Variants in DPYSL2 observed in about 807,000 individuals in gnomAD.
The protein encoded by DPYSL2 is dihydropyrimidinase like 2.
A neutral mutation model predicts 69.9 loss-of-function variants in DPYSL2; 13 were observed. The observed-to-expected ratio is 0.19, with a 90% CI of 0.12 to 0.30. The LOEUF (loss-of-function observed/expected upper bound fraction) is 0.30. Among genes scored for constraint, DPYSL2 ranks in the 10% least tolerant of loss-of-function variants. DPYSL2 has a pLI of 1.00. For synonymous variants in DPYSL2, 326 were observed against 359.1 expected, an observed-to-expected ratio of 0.91 and a Z score of 1.04; for missense variants, 587 against 918.9, an observed-to-expected ratio of 0.64 and a Z score of 4.67.
intron 3 of DPYSL2, among the ~76,000 whole-genome samples, chr8:26,623,193 G>A (rs2096246618): frequency 6.6e-6 from 1 of 152,188 alleles, no homozygotes; most frequent in South Asian, 2.1e-4. Flanking sequence ...CTGAAAAACG[G>A]TCTGTGTAGC....
intron 1 of DPYSL2, among the ~76,000 whole-genome samples, chr8:26,576,785 G>A (rs1208287644): frequency 1.3e-5 from 2 of 152,204 alleles, no homozygotes; most frequent in Non-Finnish European, 2.9e-5. Context: ...CTCCTCCACA[G>A]CTCATCTCCT....
Position 26,588,113 on chromosome 8 carries a change from TCC to T in DPYSL2, c.628+4132_628+4133del, listed in dbSNP as rs1235117918. On this transcript the variant is annotated intron_variant, in intron 3 of 13. Coordinates refer to ENST00000521913, the MANE Select transcript of DPYSL2 (RefSeq NM_001197293.3). This position sits in a 1 kb window ranked among gnomAD's most constrained non-coding sequence, Gnocchi z 5.4. ...ACAGCATCTGCCCAGTAGTGAGCAC[TCC>T]CATGTGGTAGCTATTGTCATTCCAT... 6.6e-6 allele frequency among the ~76,000 whole-genome samples: 1 copy of T among 152,142 alleles called. No homozygotes were observed. The highest frequency in any genetic ancestry group is 2.4e-5 in the African/African-American group (1 of 41,436).
At chr8:26,616,678 A>G (rs1300953995) in intron 3 of DPYSL2, among the ~76,000 whole-genome samples, 1 of 152,190 alleles carries the variant, frequency 6.6e-6, no homozygotes, top group Non-Finnish European at 1.5e-5. Flanking sequence ...TCCTTGCTTC[A>G]AGGGGCTGGC....
Position 26,647,528 on chromosome 8 carries a change from CA to C in DPYSL2, c.1426-101del. Reference sequence around the variant, plus strand: ...CACTTGGCACAACGCTCTTGACATCCATCTAAGCTGTCGTGTGTATCAATAG... The same window carrying C: ...CACTTGGCACAACGCTCTTGACATCCTCTAAGCTGTCGTGTGTATCAATAG... On this transcript the variant is annotated intron_variant, in intron 10 of 13. Coordinates refer to ENST00000521913, the MANE Select transcript of DPYSL2 (RefSeq NM_001197293.3). The surrounding 1 kb of genome is among the most constrained non-coding windows in gnomAD (Gnocchi z 5.1). 1 of 1,260,316 alleles carries C rather than the reference CA, an allele frequency of 7.9e-7. No homozygotes were observed. The highest frequency in any genetic ancestry group is 1.1e-6 in the Non-Finnish European group (1 of 905,906). 78.1% of individuals were successfully genotyped at this position (1,260,316 alleles called of 1,614,324 possible).
chr8:26,631,826 GCCCACAGGCACC>G (rs1802782384), intron 7 of DPYSL2, among the ~76,000 whole-genome samples: 1 of 152,124 alleles, frequency 6.6e-6, no homozygotes, highest in Admixed American at 6.5e-5. Context: ...TAGAACTCAA[GCCCACAGGCACC>G]TGCCGGCTGA....
At chr8:26,534,118 G>A (rs1462814607) in intron 1 of DPYSL2, among the ~76,000 whole-genome samples, 1 of 152,250 alleles carries the variant, frequency 6.6e-6, no homozygotes, top group East Asian at 1.9e-4. Context: ...GTGACAACTA[G>A]TGGGTGAATC....
chr8:26,616,492 GA>G (rs1802350989), intron 3 of DPYSL2, among the ~76,000 whole-genome samples: 1 of 152,170 alleles, frequency 6.6e-6, no homozygotes, highest in African/African-American at 2.4e-5. Flanking sequence ...TCATTTATCT[GA>G]GATGAAAAAG....
rs1442887 is a variant in DPYSL2 at position 26,517,372 on chromosome 8, C to T, written c.354+2693C>T. On this transcript the variant is annotated intron_variant, in intron 1 of 13. Transcript: ENST00000521913. The surrounding 1 kb of genome is among the most constrained non-coding windows in gnomAD (Gnocchi z 4.2). The stretch of plus-strand genomic sequence containing the variant: ...AGAAAGCGATGGGTGTGGCTTGACT[C>T]GGCATGTCAGATTTTGGCGGAGGAA... Among the ~76,000 whole-genome samples the T allele has an allele frequency of 0.71, 107,381 of 152,106 alleles. 39,040 individuals are homozygous for T. Among genetic ancestry groups the T allele is most frequent in the East Asian group, 0.94 (4,869 of 5,176 alleles).
intron 1 of DPYSL2, among the ~76,000 whole-genome samples, chr8:26,569,066 T>C (rs1801195739): frequency 6.6e-6 from 1 of 152,036 alleles, no homozygotes; most frequent in Admixed American, 6.5e-5. Flanking sequence ...TTTAAAAGCC[T>C]GGGGTGAAGT....
chr8:26,519,422 C>T (rs2117597492), intron 1 of DPYSL2, among the ~76,000 whole-genome samples: 1 of 152,224 alleles, frequency 6.6e-6, no homozygotes, highest in Non-Finnish European at 1.5e-5. Context: ...GTTTTCAGTC[C>T]CACTGCAGTC....
intron 1 of DPYSL2, chr8:26,577,926 G>T: frequency 1.7e-6 from 2 of 1,177,350 alleles, no homozygotes; most frequent in Non-Finnish European, 2.1e-6. Flanking sequence ...CACGGTGGCC[G>T]ACTTGAACCG....
chr8:26,556,160 G>GTATATATAGTATA (rs1377125528), intron 1 of DPYSL2, among the ~76,000 whole-genome samples: 9 of 1,718 alleles, frequency 5.2e-3, no homozygotes, highest in African/African-American at 9.0e-3. Context: ...ACTATATATA[G>GTATATATAGTATA]TATATACTAT....
chr8:26,634,428 C>CTTTTTTTTTTTTTTTTT (rs55746168), intron 7 of DPYSL2, among the ~76,000 whole-genome samples: 34 of 91,160 alleles, frequency 3.7e-4, no homozygotes, highest in Non-Finnish European at 5.7e-4. Flanking sequence ...CCATGCCCAG[C>CTTTTTTTTTTTTTTTTT]TTTTTTTTTT....
chr8:26,629,313 C>T (rs1026402440), intron 7 of DPYSL2, among the ~76,000 whole-genome samples: 4 of 151,904 alleles, frequency 2.6e-5, no homozygotes, highest in East Asian at 3.9e-4. Context: ...GACACCTACA[C>T]ACACACACAT....
At chr8:26,632,871 TATG>T (rs1802811545) in intron 7 of DPYSL2, among the ~76,000 whole-genome samples, 1 of 152,232 alleles carries the variant, frequency 6.6e-6, no homozygotes, top group African/African-American at 2.4e-5. Flanking sequence ...GGGTGTTTAA[TATG>T]CTTTTTCAAG....
At chr8:26,570,119 C>G (rs977870932) in intron 1 of DPYSL2, among the ~76,000 whole-genome samples, 1 of 152,166 alleles carries the variant, frequency 6.6e-6, no homozygotes, top group Admixed American at 6.5e-5. Context: ...ATGCAAGCAG[C>G]CTGGCTTGGT....
At chr8:26,527,710 T>C (rs946249273) in intron 1 of DPYSL2, among the ~76,000 whole-genome samples, 1 of 151,770 alleles carries the variant, frequency 6.6e-6, no homozygotes, top group Non-Finnish European at 1.5e-5. Flanking sequence ...ATCTTAGCAC[T>C]GAAATCATAA....
chr8:26,643,536 C>T lies in DPYSL2; in HGVS notation c.1224C>T (p.Thr408=). ...KNWAKAAAFV[T]SPPLSPDPTT... is the part of the protein sequence containing the mutation. The stretch of plus-strand genomic sequence containing the variant: ...GGGCCAAGGCTGCTGCCTTTGTCAC[C>T]TCCCCACCCTTGAGCCCTGATCCAA... The change falls in exon 9 of 14, where the codon ACC becomes ACT. Residue 408 remains threonine, a synonymous_variant. Coordinates refer to ENST00000521913, the MANE Select transcript of DPYSL2 (RefSeq NM_001197293.3). This position sits in a 1 kb window ranked among gnomAD's most constrained non-coding sequence, Gnocchi z 6.5. 1 of 1,614,086 alleles carries T rather than the reference C, an allele frequency of 6.2e-7. No homozygotes were observed. Among genetic ancestry groups the T allele is most frequent in the Non-Finnish European group, 8.5e-7 (1 of 1,179,986 alleles).
chr8:26,561,802 T>C (rs1291774866), intron 1 of DPYSL2, among the ~76,000 whole-genome samples: 1 of 152,152 alleles, frequency 6.6e-6, no homozygotes, highest in Non-Finnish European at 1.5e-5. Flanking sequence ...CGAGCTCCTA[T>C]GAAGATCTAC....
Sources: allele counts gnomAD v4.1 joint callset (sites outside exome capture counted in the v4.1 genomes callset), GRCh38; gene constraint gnomAD v4.1.1; non-coding constraint Gnocchi (gnomAD v3.1); transcripts MANE v1.5; gene names NCBI Gene and HGNC (gene_info 2026-07-23, HGNC 2026-07-21).